The following ALK variants were observed in gnomAD, a reference collection of about 807,000 sequenced individuals.
ALK encodes the protein ALK receptor tyrosine kinase, also known as ALK tyrosine kinase receptor.
Under a neutral mutation model 163.1 loss-of-function variants are expected in ALK, and 74 were observed. The ratio of observed to expected loss-of-function variants is 0.45; its 90% CI spans 0.38 to 0.55. ALK has a LOEUF of 0.55. ALK is among the 20% of genes least tolerant of loss of function. The pLI, the probability that ALK is intolerant of heterozygous loss-of-function variation, is 0.00. For synonymous variants in ALK, 960 were observed against 843.2 expected, an observed-to-expected ratio of 1.14 and a Z score of -2.40; for missense variants, 2,063 against 2,105.3, an observed-to-expected ratio of 0.98 and a Z score of 0.39.
intron 5 of ALK, among the ~76,000 whole-genome samples, chr2:29,347,750 G>A (rs1018890430): frequency 2.0e-5 from 3 of 152,270 alleles, no homozygotes; most frequent in Non-Finnish European, 2.9e-5. Context: ...AGCAGCTGCC[G>A]ATCTAGCTCT....
At chr2:29,834,728 C>T (rs1211221093) in intron 1 of ALK, among the ~76,000 whole-genome samples, 1 of 152,146 alleles carries the variant, frequency 6.6e-6, no homozygotes, top group Non-Finnish European at 1.5e-5. Flanking sequence ...TGATTCTGTA[C>T]TCCCCTAATT....
At chr2:29,579,259 C>T (rs147447879) in intron 3 of ALK, among the ~76,000 whole-genome samples, 2 of 152,312 alleles carry the variant, frequency 1.3e-5, no homozygotes, top group Non-Finnish European at 2.9e-5. Context: ...ATGGTTTATG[C>T]CTAAGTTCCG....
At chr2:29,493,797 C>T (rs1233969848) in intron 4 of ALK, among the ~76,000 whole-genome samples, 3 of 152,212 alleles carry the variant, frequency 2.0e-5, no homozygotes, top group African/African-American at 7.2e-5. Flanking sequence ...GGTGAACAGG[C>T]TCCCTGGAGG....
chr2:29,311,746 C>A (rs1666700761), intron 8 of ALK, among the ~76,000 whole-genome samples: 1 of 152,080 alleles, frequency 6.6e-6, no homozygotes, highest in African/African-American at 2.4e-5. Flanking sequence ...AGGTTCCTCT[C>A]CTGAGCCTTC....
intron 4 of ALK, among the ~76,000 whole-genome samples, chr2:29,453,896 A>AG (rs1670884668): frequency 6.6e-6 from 1 of 152,186 alleles, no homozygotes; most frequent in South Asian, 2.1e-4. Flanking sequence ...GACACACAAA[A>AG]GCATGGAGAT....
At chr2:29,593,564 C>T (rs1007941214) in intron 3 of ALK, among the ~76,000 whole-genome samples, 1 of 152,214 alleles carries the variant, frequency 6.6e-6, no homozygotes, top group Non-Finnish European at 1.5e-5. Context: ...CAGAAAATCA[C>T]AGTCACCTTA....
chr2:29,497,505 T>C (rs1672060833), intron 4 of ALK, among the ~76,000 whole-genome samples: 1 of 152,152 alleles, frequency 6.6e-6, no homozygotes. Flanking sequence ...AGCACACACA[T>C]CCCCACTGAC....
At chr2:29,495,501 T>C (rs559871615) in intron 4 of ALK, among the ~76,000 whole-genome samples, 1 of 152,330 alleles carries the variant, frequency 6.6e-6, no homozygotes, top group South Asian at 2.1e-4. Context: ...TTACTAGCCC[T>C]GGCATACTAG....
At chr2:29,489,013 G>C (rs1671841145) in intron 4 of ALK, among the ~76,000 whole-genome samples, 1 of 152,158 alleles carries the variant, frequency 6.6e-6, no homozygotes, top group East Asian at 1.9e-4. Context: ...ACTGATCATT[G>C]TCAGGATCTA....
At position 29,220,777 on chromosome 2, in the gene ALK, G is replaced by A. The variant is rs534852056; in HGVS notation, c.3574C>T (p.Arg1192Trp). 2.6e-5 allele frequency: 42 copies of A among 1,614,074 alleles called. No individual in the cohort carries two copies. The highest frequency in any genetic ancestry group is 3.4e-5 in the Non-Finnish European group (40 of 1,179,950). ...GCCATGAGCTCCAGCAGGATGAACCGGGGCAGGGATTGCAGGCTCACCCCA... is the reference window on the plus strand; with the variant it reads ...GCCATGAGCTCCAGCAGGATGAACCAGGGCAGGGATTGCAGGCTCACCCCA... ...CIGVSLQSLP[R>W]FILLELMAGG... The change falls in exon 23 of 29, where the codon CGG (arginine) becomes TGG (tryptophan). Residue 1192 changes from arginine (R) to tryptophan (W), a missense_variant. Coordinates refer to ENST00000389048, the MANE Select transcript of ALK (RefSeq NM_004304.5).
At chr2:29,756,725 C>A (rs1395043530) in intron 1 of ALK, among the ~76,000 whole-genome samples, 1 of 152,098 alleles carries the variant, frequency 6.6e-6, no homozygotes, top group Non-Finnish European at 1.5e-5. Context: ...CAGGGTTTCA[C>A]CATGTTAGCC....
chr2:29,711,317 T>C (rs1679095378), intron 2 of ALK, among the ~76,000 whole-genome samples: 1 of 152,192 alleles, frequency 6.6e-6, no homozygotes, highest in Non-Finnish European at 1.5e-5. Flanking sequence ...ACTCTCTGTG[T>C]TCCCTAGAGT....
At chr2:29,413,537 T>C (rs1015895460) in intron 4 of ALK, among the ~76,000 whole-genome samples, 29 of 151,570 alleles carry the variant, frequency 1.9e-4, no homozygotes, top group South Asian at 1.5e-3. Context: ...ATTGTTTATT[T>C]ATTTATTTTT....
At chr2:29,792,904 C>A (rs1664222556) in intron 1 of ALK, among the ~76,000 whole-genome samples, 1 of 152,060 alleles carries the variant, frequency 6.6e-6, no homozygotes, top group African/African-American at 2.4e-5. Context: ...GGTCTTGCCT[C>A]AATATTGATG....
rs6547958 is a variant in ALK at position 29,594,678 on chromosome 2, G to A, written c.953-62562C>T. Among the ~76,000 whole-genome samples the A allele has an allele frequency of 2.0e-5, 3 of 151,754 alleles. 1 individual carries two copies. Among genetic ancestry groups the A allele is most frequent in the Admixed American group, 2.0e-4 (3 of 15,262 alleles). On this transcript the variant is annotated intron_variant, in intron 3 of 28. Transcript: ENST00000389048. The stretch of plus-strand genomic sequence containing the variant: ...TCCTGACCTCATGATCCATCCACCT[G>A]GGCCTCCGAAAGTGCTGGGATTACA...
chr2:29,518,705 A>T (rs1482186576), intron 4 of ALK, among the ~76,000 whole-genome samples: 1 of 152,208 alleles, frequency 6.6e-6, no homozygotes, highest in Admixed American at 6.5e-5. Flanking sequence ...TGTAGAAGAG[A>T]CTAAAATCAC....
chr2:29,840,293 A>C (rs1049983639), intron 1 of ALK, among the ~76,000 whole-genome samples: 1 of 152,204 alleles, frequency 6.6e-6, no homozygotes, highest in African/African-American at 2.4e-5. Flanking sequence ...AAATAGGTAC[A>C]TGTCCTACAA....
At chr2:29,880,921 C>G (rs1008494158) in intron 1 of ALK, among the ~76,000 whole-genome samples, 3 of 152,184 alleles carry the variant, frequency 2.0e-5, no homozygotes, top group Non-Finnish European at 4.4e-5. Flanking sequence ...TAAAGGGTCT[C>G]TAAATTTCCT....
intron 4 of ALK, among the ~76,000 whole-genome samples, chr2:29,443,571 G>A (rs142746570): frequency 4.0e-4 from 61 of 152,216 alleles, no homozygotes; most frequent in Admixed American, 7.2e-4. Flanking sequence ...TCCTTTGCCC[G>A]CTGGCTTTGC....
Sources: allele counts gnomAD v4.1 joint callset (sites outside exome capture counted in the v4.1 genomes callset), GRCh38; gene constraint gnomAD v4.1.1; transcripts MANE v1.5; gene names NCBI Gene and HGNC (gene_info 2026-07-23, HGNC 2026-07-21).